The following OPN5 variants were observed in gnomAD, a reference collection of about 807,000 sequenced individuals.
OPN5 encodes the protein opsin 5.
OPN5 carries 18 observed loss-of-function variants against 41.7 expected under a neutral mutation model. That is an observed-to-expected ratio of 0.43 (90% CI 0.30 to 0.64). OPN5 has a LOEUF of 0.64. Ranked by LOEUF, OPN5 falls within the 30% of genes least tolerant of loss-of-function variation. OPN5 has a pLI of 0.13. For synonymous variants in OPN5, 178 were observed against 164.3 expected, an observed-to-expected ratio of 1.08 and a Z score of -0.64; for missense variants, 318 against 434.5, an observed-to-expected ratio of 0.73 and a Z score of 2.38.
chr6:47,800,530 A>T (rs1773729921), intron 4 of OPN5, among the ~76,000 whole-genome samples: 1 of 152,202 alleles, frequency 6.6e-6, no homozygotes. Flanking sequence ...TTGCAGGAGT[A>T]ATTGGGGAAG....
At chr6:47,786,726 T>C in intron 2 of OPN5, 92 bp downstream of exon 2, 13 of 1,041,162 alleles carry the variant, frequency 1.2e-5, no homozygotes, top group Non-Finnish European at 1.9e-5. Context: ...CTGACATCTC[T>C]TCCCTTCACA....
intron 4 of OPN5, among the ~76,000 whole-genome samples, chr6:47,800,422 G>T (rs563925749): frequency 6.6e-6 from 1 of 152,320 alleles, no homozygotes; most frequent in South Asian, 2.1e-4. Context: ...GGCCACAGGA[G>T]CCTTGGGGTC....
At chr6:47,820,122 C>T (rs932822831) in intron 6 of OPN5, among the ~76,000 whole-genome samples, 5 of 128,392 alleles carry the variant, frequency 3.9e-5, no homozygotes, top group African/African-American at 1.1e-4. Flanking sequence ...ATAGCTGCTT[C>T]TCCTTTTGAA....
At chr6:47,807,347 G>A (rs910425221) in intron 4 of OPN5, among the ~76,000 whole-genome samples, 4 of 152,152 alleles carry the variant, frequency 2.6e-5, no homozygotes, top group Admixed American at 6.5e-5. Flanking sequence ...GCTAAAAAGA[G>A]TTTGTTGAAT....
At chr6:47,816,782 G>A (rs949803158) in intron 6 of OPN5, among the ~76,000 whole-genome samples, 10 of 152,098 alleles carry the variant, frequency 6.6e-5, no homozygotes, top group African/African-American at 2.4e-4. Flanking sequence ...ATTAGGATTT[G>A]TTGTGATTCA....
rs148490900 is a variant in OPN5, at chr6:47,802,923, T to C, written c.757-5231T>C. On this transcript the variant is annotated intron_variant, in intron 4 of 6. Coordinates refer to ENST00000371211, the Ensembl canonical transcript of OPN5. ...TTTTAAGATTCGAGAAAATTGCAAT[T>C]GGGAAGTGTGAAATTCTTGTTTTTC... Among the ~76,000 whole-genome samples, 670 of 152,280 alleles carry C rather than the reference T, an allele frequency of 4.4e-3. 6 individuals are homozygous for C. The highest frequency in any genetic ancestry group is 0.014 in the African/African-American group (572 of 41,578).
intron 6 of OPN5, chr6:47,812,030 T>G: frequency 4.3e-6 from 1 of 232,218 alleles, no homozygotes; most frequent in Non-Finnish European, 8.3e-6. Flanking sequence ...AGAAAAATGT[T>G]GAGAAGTTTT....
chr6:47,798,237 TTAA>T (rs1349545619), intron 4 of OPN5, among the ~76,000 whole-genome samples: 1 of 152,072 alleles, frequency 6.6e-6, no homozygotes, highest in East Asian at 1.9e-4. Flanking sequence ...TCTCTAATTA[TTAA>T]TATTTGTGCA....
At chr6:47,791,088 C>G (rs1357805895) in intron 2 of OPN5, among the ~76,000 whole-genome samples, 1 of 152,090 alleles carries the variant, frequency 6.6e-6, no homozygotes, top group Non-Finnish European at 1.5e-5. Flanking sequence ...TTCATTTTCT[C>G]TTTCTCCATC....
chr6:47,823,837 A>AAG lies in OPN5; in HGVS notation c.1057-145_1057-144dup. The AAG allele has an allele frequency of 5.8e-6, 4 of 690,302 alleles. No homozygotes were observed. In the South Asian group the frequency reaches 6.8e-5, roughly 12 times the overall value. The allele number at this position is 690,302 out of a possible 1,614,324, so 42.8% of individuals were successfully genotyped here. A position where few individuals can be genotyped will look rare whatever the true frequency, so the allele number is the denominator to read the frequency against. On this transcript the variant is annotated intron_variant, in intron 6 of 6. Transcript: ENST00000371211. ...AAGAGGACTCTGTGGGTTCGGGGAGAAGCCATCTCAGTGACAATGTCCATC... is the reference window on the plus strand; with the variant it reads ...AAGAGGACTCTGTGGGTTCGGGGAGAAGAGCCATCTCAGTGACAATGTCCATC...
intron 4 of OPN5, among the ~76,000 whole-genome samples, chr6:47,796,633 C>T (rs1237919443): frequency 1.3e-5 from 2 of 151,990 alleles, no homozygotes; most frequent in African/African-American, 4.8e-5. Context: ...GATTGGTATC[C>T]TACCCTCGAG....
At chr6:47,824,068 A>G in exon 7 of OPN5, 1 of 1,239,312 alleles carries the variant, frequency 8.1e-7, no homozygotes, top group Non-Finnish European at 1.2e-6. Flanking sequence ...TAGCTTACAA[A>G]TGTTATTTTT....
chr6:47,784,378 C>T (rs1351943710), intron 1 of OPN5, among the ~76,000 whole-genome samples: 2 of 151,828 alleles, frequency 1.3e-5, no homozygotes, highest in Non-Finnish European at 1.5e-5. Flanking sequence ...CTCACTGCAA[C>T]CTCCATCTCC....
chr6:47,795,754 T>TTC (rs1324046789), intron 4 of OPN5, among the ~76,000 whole-genome samples, 191 bp downstream of exon 4: 1 of 136,010 alleles, frequency 7.4e-6, no homozygotes, highest in Non-Finnish European at 1.5e-5. Context: ...GTACCCCCAC[T>TTC]TCTCTCTTCT....
At chr6:47,820,702 T>C (rs1396628282) in intron 6 of OPN5, among the ~76,000 whole-genome samples, 1 of 152,128 alleles carries the variant, frequency 6.6e-6, no homozygotes, top group Non-Finnish European at 1.5e-5. Context: ...TATAGGAAGC[T>C]AGGCAAAAAA....
At chr6:47,813,370 C>A (rs1762322260) in intron 6 of OPN5, among the ~76,000 whole-genome samples, 1 of 152,152 alleles carries the variant, frequency 6.6e-6, no homozygotes, top group South Asian at 2.1e-4. Flanking sequence ...CATTGTGAGA[C>A]TTATGAAATA....
intron 6 of OPN5, 117 bp from the exon 7 acceptor site, chr6:47,823,866 A>G: frequency 7.7e-6 from 6 of 777,632 alleles, no homozygotes; most frequent in South Asian, 1.5e-5. Flanking sequence ...GTCCATCGCA[A>G]TCCTGGTTCT....
intron 6 of OPN5, among the ~76,000 whole-genome samples, chr6:47,819,353 A>ATATATATATAT (rs1491208722): frequency 1.2e-5 from 1 of 84,874 alleles, no homozygotes; most frequent in African/African-American, 3.7e-5. Context: ...ATATATATAT[A>ATATATATATAT]AAAAATATAT....
rs115825548 is a variant in OPN5 at position 47,818,855 on chromosome 6, G to A, written c.1057-5128G>A. Among the ~76,000 whole-genome samples, 878 of 152,264 alleles carry A rather than the reference G, an allele frequency of 5.8e-3. 10 individuals carry two copies. Among genetic ancestry groups the A allele is most frequent in the South Asian group, 0.022 (108 of 4,828 alleles). ...TGACAAGGGTTAGAGCAACTGGAGT[G>A]TATTGAGGCTGAGCAAATATGGTGG... On this transcript the variant is annotated intron_variant, in intron 6 of 6. Transcript: ENST00000371211.
Sources: allele counts gnomAD v4.1 joint callset (sites outside exome capture counted in the v4.1 genomes callset), GRCh38; gene constraint gnomAD v4.1.1; transcripts MANE v1.5; gene names NCBI Gene and HGNC (gene_info 2026-07-23, HGNC 2026-07-21).